The following GALNT13 variants were observed in gnomAD, a reference collection of about 807,000 sequenced individuals.
GALNT13 encodes UDP-GalNAc:polypeptide N-acetylgalactosaminyltransferase 13.
A neutral mutation model predicts 64.2 loss-of-function variants in GALNT13; 28 were observed. That is an observed-to-expected ratio of 0.44 (90% CI 0.32 to 0.60). The LOEUF is 0.60. Among genes scored for constraint, GALNT13 ranks in the 20% least tolerant of loss-of-function variants. The pLI is 0.05. For missense variants in GALNT13, 577 were observed against 669.8 expected (o/e 0.86, Z 1.53); for synonymous variants, 214 against 224.6 (o/e 0.95, Z 0.42).
At chr2:153,880,798 T>A (rs1182438154) in intron 1 of GALNT13, among the ~76,000 whole-genome samples, 2 of 151,606 alleles carry the variant, frequency 1.3e-5, no homozygotes, top group Non-Finnish European at 2.9e-5. Flanking sequence ...GTATTTATTA[T>A]TTTTTAGTAT....
chr2:153,510,388 G>A, the GALNT13 span, among the ~76,000 whole-genome samples: 2 of 152,302 alleles, frequency 1.3e-5, no homozygotes, highest in Admixed American at 1.3e-4. Context: ...TGATTACTGA[G>A]TGTCTAGGAT....
chr2:153,085,904 C>G, the GALNT13 span, among the ~76,000 whole-genome samples: 4 of 152,294 alleles, frequency 2.6e-5, no homozygotes, highest in African/African-American at 9.6e-5. Context: ...CCTGTGAAAG[C>G]AGACAGGAGG....
chr2:154,346,667 C>A (rs2105240887), intron 9 of GALNT13, among the ~76,000 whole-genome samples: 1 of 152,206 alleles, frequency 6.6e-6, no homozygotes, highest in Non-Finnish European at 1.5e-5. Flanking sequence ...CATTAAATGT[C>A]TTTCCTTTAT....
intron 3 of GALNT13, among the ~76,000 whole-genome samples, chr2:153,982,775 A>G (rs1373458832): frequency 6.6e-6 from 1 of 152,030 alleles, no homozygotes; most frequent in Non-Finnish European, 1.5e-5. Context: ...AGATTTACAA[A>G]TTATCAAATA....
At chr2:154,016,766 A>G (rs756299525) in intron 3 of GALNT13, among the ~76,000 whole-genome samples, 2 of 152,256 alleles carry the variant, frequency 1.3e-5, no homozygotes, top group Non-Finnish European at 2.9e-5. Flanking sequence ...GAGGATTTAT[A>G]TAAAACAACT....
At chr2:154,349,577 T>G (rs1240818359) in intron 9 of GALNT13, among the ~76,000 whole-genome samples, 3 of 152,210 alleles carry the variant, frequency 2.0e-5, no homozygotes, top group African/African-American at 7.2e-5. Context: ...CATCTTTTAG[T>G]ATGTGGATGA....
At chr2:154,247,725 A>G (rs1689855644) in intron 7 of GALNT13, among the ~76,000 whole-genome samples, 2 of 152,112 alleles carry the variant, frequency 1.3e-5, no homozygotes, top group African/African-American at 4.8e-5. Flanking sequence ...GTTGTATTGC[A>G]GTAATATGAG....
At chr2:153,560,437 C>T in the GALNT13 span, among the ~76,000 whole-genome samples, 1 of 151,858 alleles carries the variant, frequency 6.6e-6, no homozygotes, top group African/African-American at 2.4e-5. Flanking sequence ...AACATTCATC[C>T]ATGTTTTCTA....
chr2:153,987,378 G>A (rs947039467), intron 3 of GALNT13, among the ~76,000 whole-genome samples: 3 of 151,694 alleles, frequency 2.0e-5, no homozygotes, highest in Non-Finnish European at 1.5e-5. Context: ...AGGGAGAGGG[G>A]CCTTTACTGC....
rs113296008 is a variant in GALNT13 at position 154,128,497 on chromosome 2, T to G, written c.143-11840T>G. On this transcript the variant is annotated intron_variant, in intron 3 of 12. Transcript: ENST00000392825. ...ACTAACAGAAAATGTCCAGAGGCAA[T>G]GAAAAACGCAAAACCCAGTGTAAAT... Among the ~76,000 whole-genome samples, 9 of 152,112 alleles carry G rather than the reference T, an allele frequency of 5.9e-5. 1 individual carries two copies. The highest frequency in any genetic ancestry group is 2.2e-4 in the African/African-American group (9 of 41,522).
chr2:153,272,666 G>A, the GALNT13 span, among the ~76,000 whole-genome samples: 3 of 152,304 alleles, frequency 2.0e-5, no homozygotes, highest in South Asian at 2.1e-4. Flanking sequence ...CTGTGGGTGG[G>A]AGTGTAAATT....
intron 11 of GALNT13, among the ~76,000 whole-genome samples, chr2:154,425,914 G>GT (rs962742320): frequency 1.3e-5 from 2 of 152,140 alleles, no homozygotes; most frequent in African/African-American, 4.8e-5. Context: ...AACAATTCTA[G>GT]TTTTTGCATG....
chr2:154,376,677 C>G (rs1035666163), intron 9 of GALNT13, among the ~76,000 whole-genome samples: 5 of 151,932 alleles, frequency 3.3e-5, no homozygotes, highest in Non-Finnish European at 5.9e-5. Context: ...CAACTTTTAA[C>G]TATGAGAATA....
chr2:153,748,771 A>G, the GALNT13 span, among the ~76,000 whole-genome samples: 5 of 151,898 alleles, frequency 3.3e-5, no homozygotes. Flanking sequence ...GAGCTTTTTA[A>G]CTTGATATGA....
chr2:153,077,091 A>G, the GALNT13 span, among the ~76,000 whole-genome samples: 7 of 152,006 alleles, frequency 4.6e-5, no homozygotes, highest in African/African-American at 7.2e-5. Flanking sequence ...AGCTGGGATT[A>G]CAGGTGCCCG....
chr2:154,139,345 C>T (rs986115972), intron 3 of GALNT13, among the ~76,000 whole-genome samples: 12 of 150,484 alleles, frequency 8.0e-5, no homozygotes, highest in South Asian at 2.1e-4. Context: ...GCATTATAGT[C>T]CTTATTTTTT....
the GALNT13 span, among the ~76,000 whole-genome samples, chr2:153,466,310 G>C: frequency 6.6e-6 from 1 of 151,996 alleles, no homozygotes; most frequent in Non-Finnish European, 1.5e-5. Context: ...CCCCCTGACT[G>C]TGTCAGTTCC....
In GALNT13 at chr2:153,894,472, C is replaced by T. The variant is rs570503175; in HGVS notation, c.-176-6464C>T. ...GATTCTGATTTGTCATGCCTGTGAT[C>T]GAAAATATCATGAGATCATTATGAA... is the stretch of plus-strand genomic sequence containing the variant. On this transcript the variant is annotated intron_variant, in intron 1 of 12. Coordinates refer to ENST00000392825, the MANE Select transcript of GALNT13 (RefSeq NM_052917.4). Among the ~76,000 whole-genome samples the T allele has an allele frequency of 5.9e-3, 859 of 146,738 alleles. 13 individuals carry two copies. The highest frequency in any genetic ancestry group is 0.045 in the South Asian group (197 of 4,426).
At chr2:154,003,298 A>G (rs1158711279) in intron 3 of GALNT13, among the ~76,000 whole-genome samples, 1 of 152,116 alleles carries the variant, frequency 6.6e-6, no homozygotes, top group African/African-American at 2.4e-5. Context: ...ACTGGTGAGG[A>G]GATTAAACAT....
Sources: allele counts gnomAD v4.1 joint callset (sites outside exome capture counted in the v4.1 genomes callset), GRCh38; gene constraint gnomAD v4.1.1; transcripts MANE v1.5; gene names NCBI Gene and HGNC (gene_info 2026-07-23, HGNC 2026-07-21).